OPCML: variants seen among roughly 807,000 people sequenced by gnomAD.
OPCML encodes the protein opioid-binding protein/cell adhesion molecule.
Under a neutral mutation model 37.8 loss-of-function variants are expected in OPCML, and 13 were observed. That is an observed-to-expected ratio of 0.34 (90% CI 0.22 to 0.55). The LOEUF is 0.55. OPCML is among the 20% of genes least tolerant of loss of function. The pLI, the probability that OPCML is intolerant of heterozygous loss-of-function variation, is 0.91. For synonymous variants in OPCML, 176 were observed against 168.8 expected, an observed-to-expected ratio of 1.04 and a Z score of -0.33; for missense variants, 341 against 435.6, an observed-to-expected ratio of 0.78 and a Z score of 1.93.
intron 1 of OPCML, among the ~76,000 whole-genome samples, chr11:132,982,007 A>G (rs1027765162): frequency 6.6e-6 from 1 of 152,172 alleles, no homozygotes; most frequent in Non-Finnish European, 1.5e-5. Context: ...TGGGTTCTAA[A>G]CCCAGAACTC....
intron 1 of OPCML, among the ~76,000 whole-genome samples, chr11:133,340,098 A>G (rs535450397): frequency 1.3e-5 from 2 of 152,304 alleles, no homozygotes; most frequent in East Asian, 1.9e-4. Context: ...CAGCTGTGCC[A>G]CTAAATGCTG....
chr11:132,981,938 G>A (rs541807791), intron 1 of OPCML, among the ~76,000 whole-genome samples: 3 of 152,242 alleles, frequency 2.0e-5, no homozygotes, highest in Admixed American at 1.3e-4. Context: ...CAGGTTTAAC[G>A]TATTTGTGTC....
chr11:132,525,379 A>T (rs2096305325), intron 4 of OPCML, among the ~76,000 whole-genome samples: 1 of 152,190 alleles, frequency 6.6e-6, no homozygotes, highest in Non-Finnish European at 1.5e-5. Flanking sequence ...AGGCTGATTT[A>T]CTTGTCCCTG....
chr11:132,774,233 C>T lies in OPCML; in HGVS notation c.147-116914G>A, dbSNP rs560632726. Among the ~76,000 whole-genome samples, 28 of 152,318 alleles carry T rather than the reference C, an allele frequency of 1.8e-4. No homozygotes were observed. In the South Asian group the frequency reaches 5.6e-3, roughly 30 times the overall value. ...ATGCAGTGCTGATGGGTTCAAAACA[C>T]GCAGCCTGGTCTACCCTGCCCTGCT... On this transcript the variant is annotated intron_variant, in intron 2 of 7. Coordinates refer to ENST00000524381, the MANE Select transcript of OPCML (RefSeq NM_001012393.5).
chr11:132,774,819 G>GTGATTAATACATTCTTAT (rs1283894382), intron 2 of OPCML, among the ~76,000 whole-genome samples: 13 of 152,166 alleles, frequency 8.5e-5, no homozygotes, highest in African/African-American at 2.9e-4. Context: ...CATACAGTAG[G>GTGATTAATACATTCTTAT]TGATTAATAC....
At chr11:132,441,113 G>A (rs2096031120) in intron 4 of OPCML, among the ~76,000 whole-genome samples, 1 of 151,608 alleles carries the variant, frequency 6.6e-6, no homozygotes, top group Admixed American at 6.6e-5. Flanking sequence ...AAGCAAGATG[G>A]CCTGTGAGCC....
chr11:132,512,698 T>A (rs926900553), intron 4 of OPCML, among the ~76,000 whole-genome samples: 14 of 151,890 alleles, frequency 9.2e-5, no homozygotes, highest in Admixed American at 6.6e-4. Flanking sequence ...ATTTGTGTCA[T>A]GTAGATTATA....
intron 1 of OPCML, among the ~76,000 whole-genome samples, chr11:133,405,555 G>T (rs997747685): frequency 2.6e-5 from 4 of 152,158 alleles, no homozygotes; most frequent in African/African-American, 9.7e-5. Context: ...AAGACCCAGG[G>T]ATTCCCTGTC....
chr11:132,710,510 G>A (rs978326514), intron 2 of OPCML, among the ~76,000 whole-genome samples: 1 of 152,110 alleles, frequency 6.6e-6, no homozygotes, highest in Non-Finnish European at 1.5e-5. Flanking sequence ...ACAATTAGTT[G>A]AACAATTGCC....
At chr11:133,258,595 A>G (rs1379225575) in intron 1 of OPCML, among the ~76,000 whole-genome samples, 1 of 152,106 alleles carries the variant, frequency 6.6e-6, no homozygotes, top group Non-Finnish European at 1.5e-5. Flanking sequence ...CCTTTCTTTC[A>G]TTGCCCCACT....
intron 1 of OPCML, among the ~76,000 whole-genome samples, chr11:133,375,105 C>T (rs140795567): frequency 2.4e-4 from 37 of 152,300 alleles, no homozygotes; most frequent in Non-Finnish European, 3.7e-4. Flanking sequence ...TCCATCTTTA[C>T]ATATTCCAGT....
At chr11:132,529,004 A>G in intron 4 of OPCML, 57 bp downstream of exon 4, 2 of 1,068,932 alleles carry the variant, frequency 1.9e-6, no homozygotes, top group Non-Finnish European at 2.8e-6. Flanking sequence ...TGTTGTGCAT[A>G]AGAGCCAAGA....
rs1565467965 is a variant in OPCML, at chr11:133,140,793, A to AGAAGAAGAAGACGACGAC, written c.62-197784_62-197783insGTCGTCGTCTTCTTCTTC. Among the ~76,000 whole-genome samples the AGAAGAAGAAGACGACGAC allele has an allele frequency of 1.2e-3, 119 of 96,066 alleles. 26 individuals carry two copies. The highest frequency in any genetic ancestry group is 4.3e-3 in the African/African-American group (119 of 27,502). 63.0% of individuals were successfully genotyped at this position (96,066 alleles called of 152,430 possible). ...AAGAAGAAGAAGAAGACGACGAAGA[A>AGAAGAAGAAGACGACGAC]GAAGAAGAAGAAGACGACGACGAAG... is the stretch of plus-strand genomic sequence containing the variant. On this transcript the variant is annotated intron_variant, in intron 1 of 7. Transcript: ENST00000524381.
intron 1 of OPCML, among the ~76,000 whole-genome samples, chr11:133,432,088 C>G (rs1471209636): frequency 6.6e-6 from 1 of 151,952 alleles, no homozygotes; most frequent in Non-Finnish European, 1.5e-5. Context: ...ACACCAGGGC[C>G]TACTTGAAGG....
At chr11:133,295,530 A>G (rs1592176391) in intron 1 of OPCML, among the ~76,000 whole-genome samples, 2 of 152,340 alleles carry the variant, frequency 1.3e-5, no homozygotes, top group East Asian at 1.9e-4. Context: ...AAGATTACCA[A>G]ACATCTTCAG....
chr11:133,093,185 C>T (rs1231782196), intron 1 of OPCML, among the ~76,000 whole-genome samples: 1 of 151,962 alleles, frequency 6.6e-6, no homozygotes, highest in African/African-American at 2.4e-5. Flanking sequence ...AAGCAGTGTA[C>T]CCTGTACCCA....
At chr11:133,351,645 A>G (rs1944139203) in intron 1 of OPCML, among the ~76,000 whole-genome samples, 1 of 152,144 alleles carries the variant, frequency 6.6e-6, no homozygotes, top group South Asian at 2.1e-4. Flanking sequence ...AAGAAATCCC[A>G]TGGTTTTAAA....
intron 1 of OPCML, among the ~76,000 whole-genome samples, chr11:133,070,757 C>T (rs1465408920): frequency 6.6e-6 from 1 of 152,114 alleles, no homozygotes; most frequent in Non-Finnish European, 1.5e-5. Flanking sequence ...GTGGTCTGGG[C>T]AGGCAGCTGA....
At chr11:133,108,476 C>G (rs560109690) in intron 1 of OPCML, among the ~76,000 whole-genome samples, 37 of 152,174 alleles carry the variant, frequency 2.4e-4, no homozygotes, top group Non-Finnish European at 4.7e-4. Flanking sequence ...GGAAATACCC[C>G]TGAAGTCTCC....
Sources: gnomAD v4.1 joint callset for allele counts (sites outside exome capture counted in the v4.1 genomes callset) on GRCh38, gnomAD v4.1.1 for gene constraint, MANE v1.5 for transcripts, NCBI Gene and HGNC (gene_info 2026-07-23, HGNC 2026-07-21) for gene names.